CSMD3: variants seen among roughly 807,000 people sequenced by gnomAD.
CSMD3 encodes CUB and Sushi multiple domains 3, also known as CUB and sushi domain-containing protein 3.
Under a neutral mutation model 435.2 loss-of-function variants are expected in CSMD3, and 177 were observed. That is an observed-to-expected ratio of 0.41 (90% CI 0.36 to 0.46). The LOEUF (loss-of-function observed/expected upper bound fraction) is 0.46, where lower values mean the gene tolerates loss of function less well. Among genes scored for constraint, CSMD3 ranks in the 20% least tolerant of loss-of-function variants. The probability of loss-of-function intolerance (pLI) is 0.34; values close to 1 mark genes in which losing one functional copy is unlikely to be tolerated. For synonymous variants in CSMD3, 1,656 were observed against 1,520.5 expected (o/e 1.09, Z -2.07); for missense variants, 4,265 against 4,504.6 (o/e 0.95, Z 1.52).
intron 38 of CSMD3, among the ~76,000 whole-genome samples, chr8:112,370,346 T>G (rs1337459435): frequency 1.3e-5 from 2 of 152,212 alleles, no homozygotes; most frequent in African/African-American, 4.8e-5. Context: ...GAATGCTAAT[T>G]ACAATTATTA....
chr8:112,909,776 G>A (rs1000423424), intron 10 of CSMD3, among the ~76,000 whole-genome samples: 3 of 151,644 alleles, frequency 2.0e-5, no homozygotes, highest in South Asian at 2.1e-4. Flanking sequence ...GAAGTAAATC[G>A]GTGCCATTTC....
intron 13 of CSMD3, among the ~76,000 whole-genome samples, chr8:112,762,424 T>C (rs1363436812): frequency 6.6e-6 from 1 of 151,956 alleles, no homozygotes; most frequent in African/African-American, 2.4e-5. Context: ...CAGTGAATTG[T>C]CAATGCTTTT....
chr8:112,891,047 CAT>C (rs1033658251), intron 10 of CSMD3, among the ~76,000 whole-genome samples: 2 of 151,476 alleles, frequency 1.3e-5, no homozygotes, highest in Admixed American at 1.3e-4. Context: ...AGTCACATTC[CAT>C]CAGAGAGCAG....
intron 13 of CSMD3, among the ~76,000 whole-genome samples, chr8:112,764,704 A>C (rs1259999494): frequency 6.6e-6 from 1 of 151,666 alleles, no homozygotes; most frequent in African/African-American, 2.4e-5. Flanking sequence ...ATACATACTC[A>C]TTTTTTAAGT....
intron 1 of CSMD3, among the ~76,000 whole-genome samples, chr8:113,355,998 G>C (rs1288600085): frequency 1.3e-5 from 2 of 150,812 alleles, no homozygotes; most frequent in Non-Finnish European, 1.5e-5. Context: ...ATTTTAGCAA[G>C]TCTAAACATA....
intron 5 of CSMD3, among the ~76,000 whole-genome samples, chr8:113,053,476 T>A (rs2088185446): frequency 6.6e-6 from 1 of 152,102 alleles, no homozygotes; most frequent in Non-Finnish European, 1.5e-5. Context: ...TGGAGTTAAA[T>A]ACCTAATATC....
chr8:113,251,547 A>G (rs1019594331), intron 3 of CSMD3, among the ~76,000 whole-genome samples: 12 of 152,074 alleles, frequency 7.9e-5, no homozygotes, highest in African/African-American at 2.9e-4. Flanking sequence ...TAAAAGTAAA[A>G]AAAAAATCCT....
At chr8:112,593,562 C>G (rs754534899) in intron 22 of CSMD3, among the ~76,000 whole-genome samples, 1 of 152,094 alleles carries the variant, frequency 6.6e-6, no homozygotes, top group Non-Finnish European at 1.5e-5. Flanking sequence ...TATTTGTACC[C>G]ATGAGATTGA....
intron 13 of CSMD3, among the ~76,000 whole-genome samples, chr8:112,723,959 G>A (rs1167117450): frequency 2.0e-5 from 3 of 151,524 alleles, no homozygotes; most frequent in African/African-American, 4.9e-5. Flanking sequence ...GAGATCATCC[G>A]TTCACTCCCC....
intron 13 of CSMD3, among the ~76,000 whole-genome samples, chr8:112,748,424 ATAT>A (rs978894719): frequency 6.6e-6 from 1 of 152,148 alleles, no homozygotes; most frequent in African/African-American, 2.4e-5. Flanking sequence ...TTTGTTGTAC[ATAT>A]TATTATATAA....
At chr8:112,349,426 T>G (rs182069877) in intron 40 of CSMD3, among the ~76,000 whole-genome samples, 84 of 152,232 alleles carry the variant, frequency 5.5e-4, no homozygotes, top group African/African-American at 1.8e-3. Context: ...ATATAATGGA[T>G]GCCTATTTAA....
At chr8:112,471,512 T>C (rs897436336) in intron 32 of CSMD3, among the ~76,000 whole-genome samples, 1 of 152,186 alleles carries the variant, frequency 6.6e-6, no homozygotes, top group South Asian at 2.1e-4. Flanking sequence ...AATGCTGGCA[T>C]CATCACTCTA....
At chr8:112,719,337 A>G (rs2076805527) in intron 13 of CSMD3, among the ~76,000 whole-genome samples, 1 of 152,200 alleles carries the variant, frequency 6.6e-6, no homozygotes, top group Non-Finnish European at 1.5e-5. Flanking sequence ...CAAGGAAAGA[A>G]AGAGTAGGTA....
At chr8:113,184,238 C>G (rs1004312717) in intron 3 of CSMD3, among the ~76,000 whole-genome samples, 1 of 152,000 alleles carries the variant, frequency 6.6e-6, no homozygotes, top group African/African-American at 2.4e-5. Flanking sequence ...CTTCAGGAAG[C>G]TCCAGATGTT....
At chr8:113,061,222 T>G (rs1312478976) in intron 5 of CSMD3, among the ~76,000 whole-genome samples, 1 of 152,112 alleles carries the variant, frequency 6.6e-6, no homozygotes, top group African/African-American at 2.4e-5. Flanking sequence ...TGCACATCAC[T>G]CTTGTGTTTT....
intron 22 of CSMD3, among the ~76,000 whole-genome samples, chr8:112,599,086 T>C (rs1431564341): frequency 6.9e-6 from 1 of 145,744 alleles, no homozygotes; most frequent in Non-Finnish European, 1.5e-5. Context: ...ACAGGCAACC[T>C]ACAACATGGG....
intron 1 of CSMD3, among the ~76,000 whole-genome samples, chr8:113,396,125 C>T (rs537422639): frequency 3.9e-5 from 6 of 152,106 alleles, no homozygotes; most frequent in Non-Finnish European, 8.8e-5. Flanking sequence ...TAAGGAATGA[C>T]TTGAGAAAGG....
chr8:113,256,896 G>T (rs1228507017), intron 3 of CSMD3, among the ~76,000 whole-genome samples: 5 of 152,154 alleles, frequency 3.3e-5, no homozygotes, highest in Non-Finnish European at 1.5e-5. Flanking sequence ...GCAGGCTCCT[G>T]AGCCCCACTC....
intron 13 of CSMD3, among the ~76,000 whole-genome samples, chr8:112,780,953 A>T (rs1361528244): frequency 1.3e-5 from 2 of 152,056 alleles, no homozygotes; most frequent in East Asian, 1.9e-4. Context: ...AGTGAATATG[A>T]GGTTCATACA....
Sources: gnomAD v4.1 joint callset for allele counts (sites outside exome capture counted in the v4.1 genomes callset) on GRCh38, gnomAD v4.1.1 for gene constraint, MANE v1.5 for transcripts, NCBI Gene and HGNC (gene_info 2026-07-23, HGNC 2026-07-21) for gene names.